Variants in ADAMTS18 observed in about 807,000 individuals in gnomAD.
ADAMTS18 encodes ADAM metallopeptidase with thrombospondin type 1 motif 18.
In ADAMTS18, 157 loss-of-function variants were observed where a neutral mutation model predicts 165.9. The observed-to-expected ratio is 0.95, with a 90% CI of 0.83 to 1.08. The LOEUF (loss-of-function observed/expected upper bound fraction) is 1.08, where lower values mean the gene tolerates loss of function less well. Ranked by LOEUF, ADAMTS18 falls within the 50% of genes least tolerant of loss-of-function variation. The probability of loss-of-function intolerance (pLI) is 0.00; values close to 1 mark genes in which losing one functional copy is unlikely to be tolerated. For missense variants in ADAMTS18, 2,040 were observed against 1,534.0 expected (o/e 1.33, Z -5.51); for synonymous variants, 782 against 578.2 (o/e 1.35, Z -5.06).
chr16:77,395,291 G>T lies in ADAMTS18; in HGVS notation c.496-27568C>A, dbSNP rs554754002. ...CAAAGTTCTCTGGAAAACCAGTAAGGTCCTTAGGACTGGCCTCTGAAAACC... is the reference window on the plus strand; with the variant it reads ...CAAAGTTCTCTGGAAAACCAGTAAGTTCCTTAGGACTGGCCTCTGAAAACC... On this transcript the variant is annotated intron_variant, in intron 3 of 22. Coordinates refer to ENST00000282849, the MANE Select transcript of ADAMTS18 (RefSeq NM_199355.4). Among the ~76,000 whole-genome samples, 9 of 152,278 alleles carry T rather than the reference G, an allele frequency of 5.9e-5. No homozygotes were observed. In the East Asian group the frequency reaches 1.7e-3, roughly 29 times the overall value.
intron 3 of ADAMTS18, among the ~76,000 whole-genome samples, chr16:77,395,919 A>G (rs1430710568): frequency 1.3e-5 from 2 of 152,246 alleles, no homozygotes; most frequent in South Asian, 2.1e-4. Context: ...GATAGTCATG[A>G]TATTTTCTAA....
chr16:77,396,296 T>C (rs955209785), intron 3 of ADAMTS18, among the ~76,000 whole-genome samples: 1 of 152,228 alleles, frequency 6.6e-6, no homozygotes, highest in Admixed American at 6.5e-5. Context: ...ACTTACTGTG[T>C]TTGCCGTAAA....
intron 10 of ADAMTS18, among the ~76,000 whole-genome samples, chr16:77,343,847 A>G (rs1403338146): frequency 1.3e-5 from 2 of 152,228 alleles, no homozygotes; most frequent in Non-Finnish European, 2.9e-5. Flanking sequence ...TTTGGTGGGC[A>G]CATTCTATTT....
At chr16:77,309,480 T>C (rs1430037251) in intron 16 of ADAMTS18, among the ~76,000 whole-genome samples, 4 of 152,180 alleles carry the variant, frequency 2.6e-5, no homozygotes, top group African/African-American at 9.6e-5. Flanking sequence ...GTTGAAACCA[T>C]CTAGAACCAA....
At chr16:77,374,808 C>A (rs1224477809) in intron 3 of ADAMTS18, among the ~76,000 whole-genome samples, 1 of 152,076 alleles carries the variant, frequency 6.6e-6, no homozygotes, top group East Asian at 1.9e-4. Flanking sequence ...CACTTTGTCT[C>A]ACATAGCCTG....
At chr16:77,404,030 GTCCTCCCT>G (rs142822583) in intron 3 of ADAMTS18, among the ~76,000 whole-genome samples, 21,709 of 112,202 alleles carry the variant, frequency 0.19, 1,917 homozygotes, top group Middle Eastern at 0.31. Flanking sequence ...CCTCCCTACC[GTCCTCCCT>G]TCCTCCCTTC....
chr16:77,286,570 A>G (rs914430333), intron 22 of ADAMTS18, among the ~76,000 whole-genome samples: 3 of 152,130 alleles, frequency 2.0e-5, no homozygotes, highest in Non-Finnish European at 2.9e-5. Flanking sequence ...AACTTGCTCA[A>G]AGCTCCATAG....
intron 13 of ADAMTS18, 144 bp from the exon 14 acceptor site, chr16:77,322,610 T>C: frequency 9.9e-7 from 1 of 1,010,980 alleles, no homozygotes; most frequent in Non-Finnish European, 1.5e-6. Context: ...TATAAGCCCA[T>C]ATGATGTGGC....
chr16:77,377,761 C>T (rs2056973404), intron 3 of ADAMTS18, among the ~76,000 whole-genome samples: 2 of 152,162 alleles, frequency 1.3e-5, no homozygotes, highest in Admixed American at 1.3e-4. Flanking sequence ...ATGTCACATT[C>T]TTTAAAAATT....
chr16:77,412,712 C>G (rs759527920), intron 3 of ADAMTS18, among the ~76,000 whole-genome samples: 3 of 152,092 alleles, frequency 2.0e-5, no homozygotes, highest in Non-Finnish European at 4.4e-5. Flanking sequence ...AGGGAAAACC[C>G]CTTATGAAAC....
At chr16:77,296,108 G>A (rs2055466910) in intron 18 of ADAMTS18, among the ~76,000 whole-genome samples, 1 of 151,980 alleles carries the variant, frequency 6.6e-6, no homozygotes, top group Non-Finnish European at 1.5e-5. Context: ...CACTACTTAT[G>A]AAGATGATCT....
chr16:77,398,961 T>C (rs1006026219), intron 3 of ADAMTS18, among the ~76,000 whole-genome samples: 1 of 152,116 alleles, frequency 6.6e-6, no homozygotes, highest in Non-Finnish European at 1.5e-5. Flanking sequence ...CAAAAAATAA[T>C]TTACTTAGGT....
Position 77,291,444 on chromosome 16 carries a change from C to G in ADAMTS18, c.3224G>C (p.Arg1075Thr). 1 of 1,614,192 alleles carries G rather than the reference C, an allele frequency of 6.2e-7. No individual in the cohort carries two copies. The highest frequency in any genetic ancestry group is 8.5e-7 in the Non-Finnish European group (1 of 1,180,022). Residue 1075 changes from arginine to threonine, a missense_variant, in exon 21 of 23, where the codon AGG becomes ACG. Arg to Thr is a moderately conservative substitution (Grantham distance 71). Transcript: ENST00000282849. ...SATCGLGVRK[R>T]EMKCSEKGFQ... is the part of the protein sequence containing the mutation. ...GCCCTTCTCGCTGCACTTCATCTCC[C>G]TCTTCCTCACACCCAAACCACAGGT...
At chr16:77,383,162 G>A (rs998674793) in intron 3 of ADAMTS18, among the ~76,000 whole-genome samples, 4 of 152,122 alleles carry the variant, frequency 2.6e-5, no homozygotes, top group African/African-American at 9.7e-5. Flanking sequence ...AGACTTAGCA[G>A]TGGTCTCCTA....
At chr16:77,377,821 C>T (rs2144764184) in intron 3 of ADAMTS18, among the ~76,000 whole-genome samples, 1 of 151,850 alleles carries the variant, frequency 6.6e-6, no homozygotes, top group African/African-American at 2.4e-5. Flanking sequence ...GATTTGTTGC[C>T]CAACATGTAC....
Position 77,367,423 on chromosome 16 carries a change from A to C in ADAMTS18, c.778+18T>G, listed in dbSNP as rs1272075393. ...AGGCCCACATAAGAACAGAAAAAGA[A>C]AAAGTTTCCTTACATACATTTCTTG... On this transcript the variant is annotated intron_variant, in intron 4 of 22. Transcript: ENST00000282849. The C allele has an allele frequency of 8.7e-6, 14 of 1,613,960 alleles. No homozygotes were observed. Among genetic ancestry groups the C allele is most frequent in the Non-Finnish European group, 1.2e-5 (14 of 1,180,028 alleles).
Position 77,326,736 on chromosome 16 carries a change from T to A in ADAMTS18, c.1860-698A>T, listed in dbSNP as rs750944407. Among the ~76,000 whole-genome samples the A allele has an allele frequency of 4.6e-5, 7 of 152,368 alleles. No homozygotes were observed. In the Middle Eastern group the frequency reaches 0.014, roughly 296 times the overall value. Reference sequence around the variant, plus strand: ...TTTTAAATTTTTTAAAACTTTTATTTTAGGTTCAGGGGTACATGTAAAGTT... The same window carrying A: ...TTTTAAATTTTTTAAAACTTTTATTATAGGTTCAGGGGTACATGTAAAGTT... On this transcript the variant is annotated intron_variant, in intron 12 of 22. Transcript: ENST00000282849.
intron 3 of ADAMTS18, among the ~76,000 whole-genome samples, chr16:77,429,206 G>A (rs1363651521): frequency 1.3e-5 from 2 of 152,212 alleles, no homozygotes; most frequent in Non-Finnish European, 2.9e-5. Context: ...CAATGACAGA[G>A]TGGATGAAGA....
At chr16:77,351,353 A>G (rs1001273903) in intron 10 of ADAMTS18, among the ~76,000 whole-genome samples, 1 of 152,150 alleles carries the variant, frequency 6.6e-6, no homozygotes, top group Non-Finnish European at 1.5e-5. Flanking sequence ...TCTGCTTCCC[A>G]TGAAAGACCA....
Sources: gnomAD v4.1 joint callset for allele counts (sites outside exome capture counted in the v4.1 genomes callset) on GRCh38, gnomAD v4.1.1 for gene constraint, MANE v1.5 for transcripts, NCBI Gene and HGNC (gene_info 2026-07-23, HGNC 2026-07-21) for gene names.